FBXL17: variants seen among roughly 807,000 people sequenced by gnomAD.
FBXL17 encodes F-box and leucine rich repeat protein 17, also known as F-box/LRR-repeat protein 17.
Under a neutral mutation model 66.2 loss-of-function variants are expected in FBXL17, and 22 were observed. The ratio of observed to expected loss-of-function variants is 0.33; its 90% CI spans 0.24 to 0.47. The LOEUF is 0.47. FBXL17 is among the 20% of genes least tolerant of loss of function. The pLI is 1.00. For synonymous variants in FBXL17, 474 were observed against 400.5 expected, an observed-to-expected ratio of 1.18 and a Z score of -2.19; for missense variants, 878 against 948.2, an observed-to-expected ratio of 0.93 and a Z score of 0.97.
intron 7 of FBXL17, among the ~76,000 whole-genome samples, chr5:107,904,792 A>C (rs1034724308): frequency 6.6e-6 from 1 of 152,220 alleles, no homozygotes; most frequent in Non-Finnish European, 1.5e-5. Flanking sequence ...ATCCATGCTT[A>C]TATATTATCA....
At chr5:108,189,847 G>A (rs192161568) in intron 5 of FBXL17, among the ~76,000 whole-genome samples, 7 of 152,268 alleles carry the variant, frequency 4.6e-5, no homozygotes, top group Admixed American at 6.5e-5. Flanking sequence ...TTGGCCACTG[G>A]CTGAGGGCCA....
chr5:108,281,781 G>A (rs556267638), intron 4 of FBXL17, among the ~76,000 whole-genome samples: 20 of 151,702 alleles, frequency 1.3e-4, no homozygotes, highest in Non-Finnish European at 2.4e-4. Flanking sequence ...TTGATAAATA[G>A]CTACACAGAC....
chr5:108,325,168 T>C (rs1759792496), intron 4 of FBXL17, among the ~76,000 whole-genome samples: 1 of 152,058 alleles, frequency 6.6e-6, no homozygotes, highest in Non-Finnish European at 1.5e-5. Flanking sequence ...TACTTAAAAA[T>C]GGGTAAGATG....
chr5:108,313,426 T>C (rs922251318), intron 4 of FBXL17, among the ~76,000 whole-genome samples: 12 of 152,084 alleles, frequency 7.9e-5, no homozygotes, highest in Non-Finnish European at 1.5e-4. Flanking sequence ...CCTTCTGCCA[T>C]GTAAGAAGTC....
At chr5:107,870,503 T>C (rs1748409784) in intron 8 of FBXL17, among the ~76,000 whole-genome samples, 1 of 151,834 alleles carries the variant, frequency 6.6e-6, no homozygotes, top group Non-Finnish European at 1.5e-5. Context: ...AAAAATTCTA[T>C]CCCCAGTTCT....
At chr5:108,127,989 T>C (rs1364111563) in intron 6 of FBXL17, among the ~76,000 whole-genome samples, 1 of 152,182 alleles carries the variant, frequency 6.6e-6, no homozygotes, top group Non-Finnish European at 1.5e-5. Context: ...CTCATGTCTA[T>C]AATCCTAGCA....
chr5:107,901,295 A>C (rs1053210253), intron 7 of FBXL17, among the ~76,000 whole-genome samples: 1 of 152,202 alleles, frequency 6.6e-6, no homozygotes, highest in African/African-American at 2.4e-5. Context: ...AAATTGTTAA[A>C]TACGGACAAT....
At chr5:108,377,592 T>G (rs1011545150) in intron 1 of FBXL17, among the ~76,000 whole-genome samples, 1 of 152,244 alleles carries the variant, frequency 6.6e-6, no homozygotes, top group Non-Finnish European at 1.5e-5. Context: ...GATCTAACAG[T>G]TTTCCTAAGA....
Position 107,860,749 on chromosome 5 carries a change from G to T in FBXL17, c.*971C>A, listed in dbSNP as rs540240902. On this transcript the variant is annotated 3_prime_UTR_variant, in exon 9 of 9. Coordinates refer to ENST00000542267, the MANE Select transcript of FBXL17 (RefSeq NM_001163315.3). ...GATTGTCTACTTATATCTCACTCAT[G>T]AATCTTCTATTAATGTGACTACCCT... The T allele has an allele frequency of 6.5e-6, 1 of 152,688 alleles. No individual in the cohort carries two copies. Among genetic ancestry groups the T allele is most frequent in the South Asian group, 2.1e-4 (1 of 4,822 alleles). The allele number at this position is 152,688 out of a possible 1,614,324, so 9.5% of individuals were successfully genotyped here.
chr5:108,245,034 CAA>C (rs978614848), intron 4 of FBXL17, among the ~76,000 whole-genome samples: 1 of 151,912 alleles, frequency 6.6e-6, no homozygotes, highest in African/African-American at 2.4e-5. Flanking sequence ...GAGTAATAAG[CAA>C]AATAGTGAAG....
At chr5:107,974,359 G>A (rs888480551) in intron 7 of FBXL17, among the ~76,000 whole-genome samples, 28 of 151,974 alleles carry the variant, frequency 1.8e-4, no homozygotes, top group Admixed American at 1.8e-3. Context: ...TTACCTTCTA[G>A]ACTTCAAACT....
At position 108,364,869 on chromosome 5, in the gene FBXL17, G is replaced by T; in HGVS notation, c.1243C>A (p.Leu415Ile). The stretch of plus-strand genomic sequence containing the variant: ...TTACACCTGTAGGCTGTATACCTAA[G>T]AAGTCCAGGACATTTAAATGCTAAA... ...CVLAFKCPGLLRYTAYRCKQL... is the reference protein window; with the variant it reads ...CVLAFKCPGLIRYTAYRCKQL... The change falls in exon 3 of 9, where the codon CTT becomes ATT. Residue 415 changes from leucine to isoleucine, a missense_variant. By Grantham distance (5) the Leu-to-Ile change is conservative. This residue lies in a region of FBXL17 where 236 missense variants were observed against 389.1 expected (regional missense o/e 0.61). Transcript: ENST00000542267. 1.9e-6 allele frequency: 3 copies of T among 1,613,118 alleles called. No individual in the cohort carries two copies. Among genetic ancestry groups the T allele is most frequent in the Non-Finnish European group, 2.5e-6 (3 of 1,179,400 alleles).
intron 4 of FBXL17, among the ~76,000 whole-genome samples, chr5:108,340,454 A>G (rs537357528): frequency 1.3e-5 from 2 of 152,242 alleles, no homozygotes; most frequent in African/African-American, 4.8e-5. Flanking sequence ...CTTAAACAAA[A>G]TAAAACCGAT....
chr5:107,867,081 T>C (rs1187860700), intron 8 of FBXL17, among the ~76,000 whole-genome samples: 1 of 152,194 alleles, frequency 6.6e-6, no homozygotes, highest in Non-Finnish European at 1.5e-5. Context: ...CCAGAAATTG[T>C]AGAGATAAGC....
intron 6 of FBXL17, among the ~76,000 whole-genome samples, chr5:108,114,678 T>G (rs1196998568): frequency 6.6e-6 from 1 of 152,174 alleles, no homozygotes; most frequent in Non-Finnish European, 1.5e-5. Flanking sequence ...CTTGGCACAT[T>G]GAAAATGCTT....
intron 4 of FBXL17, among the ~76,000 whole-genome samples, chr5:108,321,133 A>G (rs1018392484): frequency 6.6e-6 from 1 of 151,348 alleles, no homozygotes; most frequent in Non-Finnish European, 1.5e-5. Context: ...TGATGCTCGT[A>G]AGAAATTATT....
chr5:108,326,346 A>G (rs1759851195), intron 4 of FBXL17, among the ~76,000 whole-genome samples: 1 of 152,062 alleles, frequency 6.6e-6, no homozygotes, highest in Non-Finnish European at 1.5e-5. Context: ...TAATCACAGC[A>G]CTTTGTGAGG....
chr5:108,234,406 C>T (rs1290939568), intron 4 of FBXL17, among the ~76,000 whole-genome samples: 2 of 152,152 alleles, frequency 1.3e-5, no homozygotes, highest in Non-Finnish European at 2.9e-5. Context: ...GATTGACTTC[C>T]TCCTCCAAAT....
At chr5:108,051,967 G>A (rs764001743) in intron 6 of FBXL17, among the ~76,000 whole-genome samples, 4 of 151,800 alleles carry the variant, frequency 2.6e-5, no homozygotes, top group Non-Finnish European at 5.9e-5. Flanking sequence ...AAAAAAACTA[G>A]CCGGGTCTGG....
Sources: gnomAD v4.1 joint callset for allele counts (sites outside exome capture counted in the v4.1 genomes callset) on GRCh38, gnomAD v4.1.1 for gene constraint, gnomAD v4.1.1 regional missense constraint, MANE v1.5 for transcripts, NCBI Gene and HGNC (gene_info 2026-07-23, HGNC 2026-07-21) for gene names.